The following SLC6A11 variants were observed in gnomAD, a reference collection of about 807,000 sequenced individuals.
SLC6A11 encodes solute carrier family 6 member 11, also known as sodium- and chloride-dependent GABA transporter 3.
SLC6A11 carries 25 observed loss-of-function variants against 74.8 expected under a neutral mutation model. That is an observed-to-expected ratio of 0.33 (90% CI 0.24 to 0.47). The LOEUF (loss-of-function observed/expected upper bound fraction) is 0.47. Among genes scored for constraint, SLC6A11 ranks in the 20% least tolerant of loss-of-function variants. The pLI is 1.00. For missense variants in SLC6A11, 574 were observed against 837.0 expected, an observed-to-expected ratio of 0.69 and a Z score of 3.88; for synonymous variants, 330 against 330.2, an observed-to-expected ratio of 1.00 and a Z score of 0.01.
intron 6 of SLC6A11, among the ~76,000 whole-genome samples, chr3:10,882,354 T>C (rs1480784606): frequency 6.6e-6 from 1 of 152,098 alleles, no homozygotes; most frequent in Non-Finnish European, 1.5e-5. Context: ...ACAATGAAGG[T>C]CCCAACCACC....
At chr3:10,896,209 C>G (rs540824375) in intron 6 of SLC6A11, among the ~76,000 whole-genome samples, 144 of 152,338 alleles carry the variant, frequency 9.5e-4, no homozygotes, top group African/African-American at 3.2e-3. Flanking sequence ...CAGTCAGGGC[C>G]TCTGAGGCCA....
chr3:10,841,654 A>G (rs3774123), intron 4 of SLC6A11, among the ~76,000 whole-genome samples: 49,220 of 152,142 alleles, frequency 0.32, 8,235 homozygotes, highest in South Asian at 0.52. Context: ...TGACTCAAAA[A>G]TTTGCAGCAT....
At chr3:10,864,997 C>T (rs908117412) in intron 5 of SLC6A11, among the ~76,000 whole-genome samples, 4 of 152,246 alleles carry the variant, frequency 2.6e-5, no homozygotes, top group Admixed American at 2.6e-4. Context: ...GTGTCCCTCA[C>T]AGCTGAGACA....
At chr3:10,839,141 C>A (rs1694405941) in intron 4 of SLC6A11, among the ~76,000 whole-genome samples, 1 of 152,188 alleles carries the variant, frequency 6.6e-6, no homozygotes, top group South Asian at 2.1e-4. Flanking sequence ...CCTCCTGTTT[C>A]TGAAATTTCT....
chr3:10,816,481 C>T lies in SLC6A11; in HGVS notation c.216C>T (p.Asn72=), dbSNP rs756244162. 2.5e-6 allele frequency: 4 copies of T among 1,604,462 alleles called. No homozygotes were observed. The highest frequency in any genetic ancestry group is 2.2e-5 in the South Asian group (2 of 89,628). Residue 72 remains asparagine, a synonymous_variant, in exon 1 of 14, where the codon AAC becomes AAT. Transcript: ENST00000254488. This position sits in a 1 kb window ranked among gnomAD's most constrained non-coding sequence, Gnocchi z 4.2. The stretch of plus-strand genomic sequence containing the variant: ...CCGGGGAGATCATTGGGCTGGGCAA[C>T]GTGTGGCGCTTCCCCTACCTGTGCT... ...SVAGEIIGLG[N]VWRFPYLCYK... is the part of the protein sequence containing the mutation.
At chr3:10,833,183 T>C (rs1694320376) in intron 4 of SLC6A11, among the ~76,000 whole-genome samples, 1 of 152,116 alleles carries the variant, frequency 6.6e-6, no homozygotes, top group Admixed American at 6.5e-5. Flanking sequence ...CACCTCAACC[T>C]CCCAAGTAGC....
At position 10,929,273 on chromosome 3, in the gene SLC6A11, G is replaced by A; in HGVS notation, c.1305G>A (p.Arg435=). 1.2e-6 allele frequency: 2 copies of A among 1,614,160 alleles called. No individual in the cohort carries two copies. Among genetic ancestry groups the A allele is most frequent in the South Asian group, 2.2e-5 (2 of 91,080 alleles). The change falls in exon 10 of 14, where the codon CGG becomes CGA. Residue 435 remains arginine, a synonymous_variant. Transcript: ENST00000254488. ...MYPKVFRRGY[R]RELLILALSV... ...CCAAGGTTTTCCGGAGGGGTTACCG[G>A]CGGGAGCTGCTCATCCTAGCCTTGT...
Position 10,918,504 on chromosome 3 carries a change from T to G in SLC6A11, c.1120+51T>G, listed in dbSNP as rs1394542058. On this transcript the variant is annotated intron_variant, in intron 8 of 13. Transcript: ENST00000254488. The surrounding 1 kb of genome is among the most constrained non-coding windows in gnomAD (Gnocchi z 4.5). ...AAAAGGCGGCAAGGGAGGCCAGGAG[T>G]GATGGTCATCATGGAAATGCGATCT... is the stretch of plus-strand genomic sequence containing the variant. 1 of 1,561,992 alleles carries G rather than the reference T, an allele frequency of 6.4e-7. No homozygotes were observed. The highest frequency in any genetic ancestry group is 2.0e-5 in the Admixed American group (1 of 49,404).
chr3:10,909,470 C>T (rs758670441), intron 6 of SLC6A11, among the ~76,000 whole-genome samples: 8 of 152,064 alleles, frequency 5.3e-5, no homozygotes, highest in South Asian at 2.1e-4. Context: ...ACTCATAGAG[C>T]GTTTATTCAC....
At chr3:10,848,244 G>A (rs1694529381) in intron 5 of SLC6A11, among the ~76,000 whole-genome samples, 1 of 152,214 alleles carries the variant, frequency 6.6e-6, no homozygotes, top group South Asian at 2.1e-4. Context: ...TCTGCCATGT[G>A]GGGACTATGG....
Position 10,926,959 on chromosome 3 carries a change from A to AGTGCT in SLC6A11, c.1233+853_1233+857dup, listed in dbSNP as rs1005219683. On this transcript the variant is annotated intron_variant, in intron 9 of 13. Coordinates refer to ENST00000254488, the MANE Select transcript of SLC6A11 (RefSeq NM_014229.3). The surrounding 1 kb of genome is among the most constrained non-coding windows in gnomAD (Gnocchi z 5.7). Reference sequence around the variant, plus strand: ...GGAGACTGGGGTCTCTTGGCCAACCAGTGCTGTGCTGTGCAGGGGCCTCTG... The same window carrying AGTGCT: ...GGAGACTGGGGTCTCTTGGCCAACCAGTGCTGTGCTGTGCTGTGCAGGGGCCTCTG... 6.6e-6 allele frequency among the ~76,000 whole-genome samples: 1 copy of AGTGCT among 152,086 alleles called. No homozygotes were observed.
At chr3:10,873,342 G>T (rs1319550122) in intron 5 of SLC6A11, among the ~76,000 whole-genome samples, 1 of 124,770 alleles carries the variant, frequency 8.0e-6, no homozygotes, top group Non-Finnish European at 1.6e-5. Flanking sequence ...AAAGATTTCT[G>T]CCCTTTTCTT....
intron 4 of SLC6A11, among the ~76,000 whole-genome samples, chr3:10,835,678 C>T (rs1291412879): frequency 2.6e-5 from 4 of 152,172 alleles, no homozygotes; most frequent in African/African-American, 4.8e-5. Flanking sequence ...TGCCACCTAC[C>T]GGTTTTGTGA....
chr3:10,884,465 T>G (rs984305878), intron 6 of SLC6A11, among the ~76,000 whole-genome samples: 1 of 152,238 alleles, frequency 6.6e-6, no homozygotes, highest in Non-Finnish European at 1.5e-5. Context: ...TTATAAGTCA[T>G]GAGAATTTTA....
In SLC6A11 at chr3:10,823,402, G is replaced by GAC; in HGVS notation, c.623+11_623+12insCA. The GAC allele has an allele frequency of 1.3e-6, 2 of 1,584,924 alleles. No individual in the cohort carries two copies. The highest frequency in any genetic ancestry group is 2.2e-5 in the East Asian group (1 of 44,728). On this transcript the variant is annotated intron_variant, in intron 4 of 13. Transcript: ENST00000254488. Reference sequence around the variant, plus strand: ...TCATGGAGTTTTGGGAGTAAGTGGAGAAGAACTTGTCTCCCTTGGCCTGTG... The same window carrying GAC: ...TCATGGAGTTTTGGGAGTAAGTGGAGACAAGAACTTGTCTCCCTTGGCCTGTG...
At chr3:10,904,984 A>T (rs1695284930) in intron 6 of SLC6A11, among the ~76,000 whole-genome samples, 1 of 152,224 alleles carries the variant, frequency 6.6e-6, no homozygotes, top group East Asian at 1.9e-4. Flanking sequence ...CATTAACTCA[A>T]GGTTTTCACT....
intron 5 of SLC6A11, among the ~76,000 whole-genome samples, chr3:10,865,479 C>T (rs868361457): frequency 1.1e-4 from 16 of 152,086 alleles, no homozygotes; most frequent in Admixed American, 7.9e-4. Flanking sequence ...CTGGCTAACA[C>T]GGTGAAACCC....
At chr3:10,929,094 TG>T in intron 9 of SLC6A11, 107 bp from the exon 10 acceptor site, 1 of 1,142,272 alleles carries the variant, frequency 8.8e-7, no homozygotes, top group Non-Finnish European at 1.3e-6. Context: ...TTAATGGGTG[TG>T]GGAATGAAGG....
intron 8 of SLC6A11, 93 bp from the exon 9 acceptor site, chr3:10,925,887 GAGAGGCAGGCACAGTGCCTGGCGC>G: frequency 1.5e-6 from 1 of 665,872 alleles, no homozygotes; most frequent in Non-Finnish European, 2.7e-6. Flanking sequence ...TGATTTGAGT[GAGAGGCAGGCACAGTGCCTGGCGC>G]AGAGGAGGCA....
Sources: allele counts gnomAD v4.1 joint callset (sites outside exome capture counted in the v4.1 genomes callset), GRCh38; gene constraint gnomAD v4.1.1; non-coding constraint Gnocchi (gnomAD v3.1); transcripts MANE v1.5; gene names NCBI Gene and HGNC (gene_info 2026-07-23, HGNC 2026-07-21).